Variants in ZNF334 observed in about 807,000 individuals in gnomAD.
ZNF334 encodes zinc finger protein 334.
ZNF334 carries 14 observed loss-of-function variants against 12.4 expected under a neutral mutation model. That is an observed-to-expected ratio of 1.13 (90% CI 0.74 to 1.76). The LOEUF is 1.76. ZNF334 is among the 40% of genes most tolerant of loss of function. ZNF334 has a pLI of 0.00. For synonymous variants in ZNF334, 273 were observed against 269.6 expected (o/e 1.01, Z -0.12); for missense variants, 797 against 804.5 (o/e 0.99, Z 0.11).
At chr20:46,489,846 G>A in the ZNF334 span, among the ~76,000 whole-genome samples, 41 of 152,232 alleles carry the variant, frequency 2.7e-4, no homozygotes, top group Middle Eastern at 0.01. Flanking sequence ...AGACTAGAAT[G>A]AAGAAGATAA....
the ZNF334 span, among the ~76,000 whole-genome samples, chr20:46,466,816 C>T: frequency 2.6e-5 from 4 of 152,008 alleles, no homozygotes; most frequent in African/African-American, 7.2e-5. Context: ...ACTTTTTGGC[C>T]TTTATATAAA....
rs1187295069 is a variant in ZNF334 at position 46,502,518 on chromosome 20, A to T, written c.821T>A (p.Phe274Tyr). ...TCGAGTGAGGCTTGTCTTCACACGA[A>T]AAGTTTTCCTACAATCACTACAAAC... ...PYVCSDCRKT[F>Y]RVKTSLTRHR... is the part of the protein sequence containing the mutation. The change falls in exon 5 of 5, where the codon TTT becomes TAT. Residue 274 changes from phenylalanine (F) to tyrosine (Y), a missense_variant. Phe to Tyr is a conservative substitution (Grantham distance 22). Coordinates refer to ENST00000692313, the MANE Select transcript of ZNF334 (RefSeq NM_001353824.2). The T allele has an allele frequency of 6.2e-7, 1 of 1,613,252 alleles. No individual in the cohort carries two copies. The highest frequency in any genetic ancestry group is 1.3e-5 in the African/African-American group (1 of 74,894).
At chr20:46,512,043 C>A in intron 2 of ZNF334, 39 bp downstream of exon 2, 1 of 1,606,126 alleles carries the variant, frequency 6.2e-7, no homozygotes, top group South Asian at 1.1e-5. Flanking sequence ...TCTTGAAATT[C>A]ACTGTATAAT....
chr20:46,476,322 T>C, the ZNF334 span: 1 of 152,228 alleles, frequency 6.6e-6, no homozygotes, highest in African/African-American at 2.4e-5. Context: ...GTGATGACAG[T>C]GTTCTGTAAC....
chr20:46,483,918 T>C, the ZNF334 span, among the ~76,000 whole-genome samples: 5 of 152,232 alleles, frequency 3.3e-5, no homozygotes, highest in African/African-American at 9.6e-5. Context: ...TTTATGTATA[T>C]ACTTGGGAGA....
chr20:46,475,692 A>G, the ZNF334 span, among the ~76,000 whole-genome samples: 1 of 152,230 alleles, frequency 6.6e-6, no homozygotes, highest in African/African-American at 2.4e-5. Flanking sequence ...ATCATTAGCC[A>G]GTAAGGAAAT....
At chr20:46,488,477 C>T in the ZNF334 span, among the ~76,000 whole-genome samples, 8 of 134,746 alleles carry the variant, frequency 5.9e-5, no homozygotes, top group Admixed American at 3.1e-4. Context: ...GCCTTTATGG[C>T]GTTGCTGTCA....
the ZNF334 span, chr20:46,464,322 G>T: frequency 1.8e-6 from 1 of 545,220 alleles, no homozygotes. Flanking sequence ...GATGTGATCC[G>T]GCATTCTGGG....
the ZNF334 span, among the ~76,000 whole-genome samples, chr20:46,467,533 T>C: frequency 1.3e-5 from 2 of 152,256 alleles, no homozygotes; most frequent in African/African-American, 4.8e-5. Flanking sequence ...CTCAGGGGCA[T>C]AGATTTACAT....
At chr20:46,462,952 C>T in the ZNF334 span, among the ~76,000 whole-genome samples, 15 of 152,188 alleles carry the variant, frequency 9.9e-5, no homozygotes, top group South Asian at 6.2e-4. Context: ...TCCTATCATT[C>T]AAAACATGGT....
chr20:46,502,650 C>A lies in ZNF334; in HGVS notation c.689G>T (p.Arg230Ile), dbSNP rs892421421. The change falls in exon 5 of 5, where the codon AGA becomes ATA. Residue 230 changes from arginine to isoleucine, a missense_variant. Arg to Ile is a moderately conservative substitution (Grantham distance 97). Transcript: ENST00000692313. ...TTCATTTGGTTTCCTTTCAGTCTGT[C>A]TCCCCTTTTGTGTAATGAGAATTGC... ...KRAILITQKG[R>I]QTERKPNECN... The A allele has an allele frequency of 3.7e-6, 6 of 1,612,504 alleles. No homozygotes were observed. In the African/African-American group the frequency reaches 8.0e-5, roughly 22 times the overall value.
chr20:46,480,561 T>C, the ZNF334 span, among the ~76,000 whole-genome samples: 1 of 152,092 alleles, frequency 6.6e-6, no homozygotes, highest in African/African-American at 2.4e-5. Context: ...CTGGGGTACA[T>C]AGGAGGCATG....
chr20:46,510,637 A>G (rs1198002549), intron 2 of ZNF334, among the ~76,000 whole-genome samples: 3 of 151,484 alleles, frequency 2.0e-5, no homozygotes, highest in Non-Finnish European at 2.9e-5. Context: ...GAGGCAGGAG[A>G]ATGGTGTGAA....
At position 46,501,325 on chromosome 20, in the gene ZNF334, G is replaced by C; in HGVS notation, c.2014C>G (p.Leu672Val). 2 of 1,611,022 alleles carry C rather than the reference G, an allele frequency of 1.2e-6. No individual in the cohort carries two copies. Among genetic ancestry groups the C allele is most frequent in the East Asian group, 4.5e-5 (2 of 44,838 alleles). Residue 672 changes from leucine to valine, a missense_variant, in exon 5 of 5, where the codon CTT (leucine) becomes GTT (valine). Leu to Val is a conservative substitution (Grantham distance 32). Transcript: ENST00000692313. The stretch of plus-strand genomic sequence containing the variant: ...TCCTTGTGGGATTTCTGATGTAAAA[G>C]AAAGTTTGATTTGTGGCGAAATGTT... ...EKTFRHKSNF[L>V]LHQKSHKE
rs1220736487 is a variant in ZNF334 at position 46,499,784 on chromosome 20, T to C, written c.*1512A>G. The C allele has an allele frequency of 6.6e-6, 1 of 152,214 alleles. No individual in the cohort carries two copies. Among genetic ancestry groups the C allele is most frequent in the Non-Finnish European group, 1.5e-5 (1 of 68,034 alleles). 9.4% of individuals were successfully genotyped at this position (152,214 alleles called of 1,614,324 possible). ...ACACATACACATACATTTAAACATA[T>C]GTATATACTTACATATATTAACACA... On this transcript the variant is annotated 3_prime_UTR_variant, in exon 5 of 5. Transcript: ENST00000692313.
chr20:46,503,177 T>C lies in ZNF334; in HGVS notation c.242-80A>G, dbSNP rs190205935. 11 of 1,461,892 alleles carry C rather than the reference T, an allele frequency of 7.5e-6. No homozygotes were observed. The East Asian group carries it at 2.6e-4, about 34-fold the overall frequency. 90.6% of individuals were successfully genotyped at this position (1,461,892 alleles called of 1,614,324 possible). On this transcript the variant is annotated intron_variant, in intron 4 of 4. Transcript: ENST00000692313. ...GAAATGAGAATTCCTTAGAAATGCA[T>C]TGTTTTAGGGGTTAGACTTCAGGCC...
chr20:46,465,186 G>T, the ZNF334 span: 1 of 208,632 alleles, frequency 4.8e-6, no homozygotes, highest in South Asian at 8.2e-5. Flanking sequence ...TGGGGGTGGT[G>T]ACTGTGGGAT....
chr20:46,480,032 C>A, the ZNF334 span, among the ~76,000 whole-genome samples: 1 of 152,192 alleles, frequency 6.6e-6, no homozygotes, highest in African/African-American at 2.4e-5. Flanking sequence ...TGATCTATGT[C>A]TTTGCCTGTA....
chr20:46,482,155 T>A, the ZNF334 span, among the ~76,000 whole-genome samples: 155 of 152,358 alleles, frequency 1.0e-3, 1 homozygote, highest in Non-Finnish European at 1.9e-3. Flanking sequence ...ACAGCACTGC[T>A]AACCCATATT....
Sources: allele counts gnomAD v4.1 joint callset (sites outside exome capture counted in the v4.1 genomes callset), GRCh38; gene constraint gnomAD v4.1.1; transcripts MANE v1.5; gene names NCBI Gene and HGNC (gene_info 2026-07-23, HGNC 2026-07-21).